Variants in TACC2 observed in about 807,000 individuals in gnomAD.
The protein encoded by TACC2 is transforming acidic coiled-coil-containing protein 2.
In TACC2, 137 loss-of-function variants were observed where a neutral mutation model predicts 227.3. The observed-to-expected ratio is 0.60, with a 90% CI of 0.52 to 0.69. TACC2 has a LOEUF of 0.69. Among genes scored for constraint, TACC2 ranks in the 30% least tolerant of loss-of-function variants. The probability of loss-of-function intolerance (pLI) is 0.00; values close to 1 mark genes in which losing one functional copy is unlikely to be tolerated. For synonymous variants in TACC2, 1,523 were observed against 1,487.5 expected (o/e 1.02, Z -0.55); for missense variants, 3,470 against 3,694.4 (o/e 0.94, Z 1.57).
At chr10:122,143,521 C>G (rs530132095) in intron 6 of TACC2, 51 bp from the exon 7 acceptor site, 1 of 1,586,004 alleles carries the variant, frequency 6.3e-7, no homozygotes, top group South Asian at 1.2e-5. Flanking sequence ...GATGAATGTG[C>G]CATTAATGAG....
chr10:122,070,650 G>A (rs968945921), intron 3 of TACC2, among the ~76,000 whole-genome samples: 2 of 152,012 alleles, frequency 1.3e-5, no homozygotes, highest in African/African-American at 4.8e-5. Flanking sequence ...CTACTTGGGA[G>A]GCTGAGGCAG....
chr10:122,122,778 TC>T (rs1390156227), intron 5 of TACC2, among the ~76,000 whole-genome samples: 2 of 152,216 alleles, frequency 1.3e-5, no homozygotes, highest in African/African-American at 4.8e-5. Flanking sequence ...GCAGAGCCCT[TC>T]GCACAACACC....
At chr10:122,163,694 C>A in intron 7 of TACC2, 1 of 1,097,474 alleles carries the variant, frequency 9.1e-7, no homozygotes, top group Non-Finnish European at 1.1e-6. Context: ...GGGCGCGCGC[C>A]GGCCACACTC....
intron 11 of TACC2, among the ~76,000 whole-genome samples, chr10:122,219,720 T>C (rs896495288): frequency 6.6e-6 from 1 of 152,134 alleles, no homozygotes; most frequent in Non-Finnish European, 1.5e-5. Context: ...TTTCTAAATA[T>C]CGGAGAAAAG....
chr10:122,058,520 T>C (rs1243606452), intron 3 of TACC2, among the ~76,000 whole-genome samples: 1 of 152,166 alleles, frequency 6.6e-6, no homozygotes, highest in Non-Finnish European at 1.5e-5. Context: ...GTGATTCTCC[T>C]GCCTCAGCCT....
intron 18 of TACC2, among the ~76,000 whole-genome samples, chr10:122,239,098 G>A (rs1199118264): frequency 6.6e-6 from 1 of 151,804 alleles, no homozygotes; most frequent in African/African-American, 2.4e-5. Context: ...CCGCCTCCCG[G>A]GTTCAAGTGG....
intron 5 of TACC2, among the ~76,000 whole-genome samples, chr10:122,125,007 C>T (rs12262554): frequency 0.3 from 45,396 of 149,410 alleles, 7,979 homozygotes; most frequent in Middle Eastern, 0.4. Context: ...CTCTCCAGCA[C>T]GAAGCCAGCG....
intron 2 of TACC2, chr10:122,033,085 G>C: frequency 7.8e-7 from 1 of 1,288,916 alleles, no homozygotes; most frequent in Non-Finnish European, 1.0e-6. Flanking sequence ...AGATCCCTTT[G>C]CATTTCAGCA....
At chr10:122,004,037 G>A (rs1207115116) in intron 1 of TACC2, among the ~76,000 whole-genome samples, 1 of 152,032 alleles carries the variant, frequency 6.6e-6, no homozygotes, top group Non-Finnish European at 1.5e-5. Context: ...GGAGGCCGAG[G>A]CAGGCAGAAA....
intron 7 of TACC2, chr10:122,163,827 C>A: frequency 1.4e-6 from 2 of 1,468,872 alleles, no homozygotes; most frequent in South Asian, 1.4e-5. Context: ...TGCAGCAACC[C>A]CGGCCGCCGG....
rs758375668 is a variant in TACC2, at chr10:122,084,604, C to T, written c.2104C>T (p.Gln702Ter). ...GLQPKCPDTLQSREGLGRMES... is the reference protein window; with the variant it reads ...GLQPKCPDTL The stretch of plus-strand genomic sequence containing the variant: ...GCAGCCCAAATGTCCTGACACCCTT[C>T]AGAGCAGGGAAGGATTGGGAAGAAT... Residue 702 changes from glutamine (Q) to a stop codon, truncating the protein, a stop_gained, in exon 4 of 23, where the codon CAG (glutamine) becomes TAG (stop). Transcript: ENST00000369005. LOFTEE classifies it high-confidence loss of function. 4 of 1,613,746 alleles carry T rather than the reference C, an allele frequency of 2.5e-6. No individual in the cohort carries two copies. In the African/African-American group the frequency reaches 5.3e-5, roughly 22 times the overall value.
At chr10:122,112,994 G>T (rs2138079399) in intron 5 of TACC2, 1 of 152,330 alleles carries the variant, frequency 6.6e-6, no homozygotes, top group East Asian at 1.9e-4. Flanking sequence ...CCCGGCAGCC[G>T]CCGCTCGCCC....
At chr10:122,216,334 C>T (rs549278324) in intron 10 of TACC2, among the ~76,000 whole-genome samples, 15 of 151,742 alleles carry the variant, frequency 9.9e-5, no homozygotes, top group South Asian at 2.1e-4. Flanking sequence ...CAGTCACAGT[C>T]GTAAAACTAG....
chr10:122,008,975 A>G (rs1221368287), intron 1 of TACC2, among the ~76,000 whole-genome samples: 2 of 152,190 alleles, frequency 1.3e-5, no homozygotes, highest in East Asian at 1.9e-4. Flanking sequence ...GTTTGGGTAT[A>G]CTTAATCATC....
intron 2 of TACC2, among the ~76,000 whole-genome samples, chr10:122,035,099 C>G (rs915601687): frequency 6.6e-6 from 1 of 152,142 alleles, no homozygotes; most frequent in Admixed American, 6.5e-5. Flanking sequence ...GGATCCTAGT[C>G]CAGGCTCCTA....
intron 2 of TACC2, among the ~76,000 whole-genome samples, chr10:122,047,134 C>T (rs1227242757): frequency 6.7e-6 from 1 of 150,364 alleles, no homozygotes; most frequent in Non-Finnish European, 1.5e-5. Flanking sequence ...ACTAAAAATA[C>T]AAAAATTAGC....
At chr10:122,183,856 G>GTCTT (rs2094071466) in intron 7 of TACC2, among the ~76,000 whole-genome samples, 2 of 152,210 alleles carry the variant, frequency 1.3e-5, no homozygotes, top group African/African-American at 4.8e-5. Context: ...TCTCAGGCAA[G>GTCTT]ATGCTGAACC....
intron 16 of TACC2, 40 bp downstream of exon 16, chr10:122,230,480 T>C (rs2095716226): frequency 2.5e-6 from 4 of 1,570,894 alleles, no homozygotes; most frequent in Non-Finnish European, 3.5e-6. Context: ...CCTGAGAATG[T>C]CATGTGTGCC....
chr10:122,079,621 C>T (rs566753241), intron 3 of TACC2, among the ~76,000 whole-genome samples: 37 of 152,280 alleles, frequency 2.4e-4, no homozygotes, highest in Admixed American at 2.6e-4. Context: ...CAAATGACGC[C>T]GCGTGTACTT....
Sources: allele counts gnomAD v4.1 joint callset (sites outside exome capture counted in the v4.1 genomes callset), GRCh38; gene constraint gnomAD v4.1.1; transcripts MANE v1.5; gene names NCBI Gene and HGNC (gene_info 2026-07-23, HGNC 2026-07-21).